CPVL: variants seen among roughly 807,000 people sequenced by gnomAD.
CPVL encodes the protein probable serine carboxypeptidase CPVL.
A neutral mutation model predicts 63.7 loss-of-function variants in CPVL; 51 were observed. The observed-to-expected ratio is 0.80, with a 90% CI of 0.64 to 1.01. The LOEUF (loss-of-function observed/expected upper bound fraction) is 1.01, where lower values mean the gene tolerates loss of function less well. CPVL is among the 50% of genes least tolerant of loss of function. The pLI, the probability that CPVL is intolerant of heterozygous loss-of-function variation, is 0.00. For synonymous variants in CPVL, 195 were observed against 206.0 expected (o/e 0.95, Z 0.46); for missense variants, 530 against 573.1 (o/e 0.92, Z 0.77).
intron 1 of CPVL, among the ~76,000 whole-genome samples, chr7:29,123,150 C>G (rs985536848): frequency 1.1e-4 from 16 of 152,104 alleles, no homozygotes; most frequent in African/African-American, 3.6e-4. Context: ...CTTAAAAATA[C>G]AAAACGTGTA....
intron 6 of CPVL, among the ~76,000 whole-genome samples, chr7:29,090,183 G>A (rs1785625182): frequency 6.6e-6 from 1 of 152,126 alleles, no homozygotes; most frequent in South Asian, 2.1e-4. Context: ...TCTTTCCTGG[G>A]CAAATCCAAA....
chr7:29,048,550 C>A (rs1789842493), intron 11 of CPVL, among the ~76,000 whole-genome samples: 1 of 152,002 alleles, frequency 6.6e-6, no homozygotes, highest in South Asian at 2.1e-4. Flanking sequence ...ACTAATAGAC[C>A]TAAGAAATGA....
At chr7:28,996,154 T>C (rs1375521892) in intron 12 of CPVL, 2 of 318,928 alleles carry the variant, frequency 6.3e-6, no homozygotes, top group East Asian at 1.6e-4. Flanking sequence ...TTCCTTGTCT[T>C]TTTCCTCTAG....
intron 5 of CPVL, among the ~76,000 whole-genome samples, chr7:29,152,455 A>G (rs945571937): frequency 2.0e-5 from 3 of 152,128 alleles, no homozygotes; most frequent in African/African-American, 7.2e-5. Context: ...TCCTCATTTG[A>G]AAATGGAAGT....
At chr7:29,127,819 A>T (rs1790193446) in intron 1 of CPVL, among the ~76,000 whole-genome samples, 1 of 152,054 alleles carries the variant, frequency 6.6e-6, no homozygotes, top group Admixed American at 6.5e-5. Flanking sequence ...AGTTCCCCAG[A>T]TTATTACTAT....
chr7:29,190,365 T>G (rs138587395), intron 1 of CPVL, among the ~76,000 whole-genome samples: 2 of 152,292 alleles, frequency 1.3e-5, no homozygotes, highest in East Asian at 3.9e-4. Flanking sequence ...AATACAGTAT[T>G]TCATTCTGTG....
intron 4 of CPVL, among the ~76,000 whole-genome samples, chr7:29,182,470 G>C (rs1266572656): frequency 6.6e-6 from 1 of 152,204 alleles, no homozygotes; most frequent in Non-Finnish European, 1.5e-5. Context: ...ATATTCTTCA[G>C]ACATTTTCAT....
intron 11 of CPVL, among the ~76,000 whole-genome samples, chr7:29,062,018 T>C (rs931140573): frequency 3.3e-5 from 5 of 151,780 alleles, no homozygotes; most frequent in Admixed American, 1.3e-4. Flanking sequence ...ATCAAACTTA[T>C]CTGCTCTCCT....
chr7:29,072,524 A>G lies in CPVL; in HGVS notation c.610-101T>C, dbSNP rs1261367222. On this transcript the variant is annotated intron_variant, in intron 7 of 12. Coordinates refer to ENST00000265394, the MANE Select transcript of CPVL (RefSeq NM_031311.5). ...ATAACAATGAAGGAGCAATCTTTCC[A>G]CATGAGGTATACCATCTGTTTCTTA... is the stretch of plus-strand genomic sequence containing the variant. 51 of 1,325,654 alleles carry G rather than the reference A, an allele frequency of 3.8e-5. No homozygotes were observed. The Admixed American group carries it at 9.1e-4, about 24-fold the overall frequency. 82.1% of individuals were successfully genotyped at this position (1,325,654 alleles called of 1,614,324 possible).
In CPVL at chr7:29,084,736, A is replaced by T. The variant is rs367842650; in HGVS notation, c.609+1748T>A. On this transcript the variant is annotated intron_variant, in intron 7 of 12. Coordinates refer to ENST00000265394, the MANE Select transcript of CPVL (RefSeq NM_031311.5). ...TAACTGTGTATTAAATTTTAACATA[A>T]TCTCCCTTAAAAAATAGAATTCTTT... Among the ~76,000 whole-genome samples, 18 of 152,334 alleles carry T rather than the reference A, an allele frequency of 1.2e-4. No homozygotes were observed. The East Asian group carries it at 2.9e-3, about 24-fold the overall frequency.
At chr7:29,050,741 A>G (rs1053187605) in intron 11 of CPVL, among the ~76,000 whole-genome samples, 1 of 152,052 alleles carries the variant, frequency 6.6e-6, no homozygotes, top group Admixed American at 6.6e-5. Flanking sequence ...TCGAAAAGCC[A>G]ATTCTAAAAT....
chr7:29,028,895 G>A (rs1382272917), intron 12 of CPVL, among the ~76,000 whole-genome samples: 2 of 151,062 alleles, frequency 1.3e-5, no homozygotes, highest in Non-Finnish European at 2.9e-5. Flanking sequence ...AACCGGTGTG[G>A]TGGAGCTTGC....
At chr7:29,001,077 G>C (rs549686636) in intron 12 of CPVL, 1 of 152,348 alleles carries the variant, frequency 6.6e-6, no homozygotes, top group South Asian at 2.1e-4. Flanking sequence ...TGGGCTCATG[G>C]GAGGGATGGG....
Position 29,112,811 on chromosome 7 carries a change from T to C in CPVL, c.181A>G (p.Ser61Gly). 6.2e-7 allele frequency: 1 copy of C among 1,611,352 alleles called. No homozygotes were observed. The highest frequency in any genetic ancestry group is 8.5e-7 in the Non-Finnish European group (1 of 1,178,260). The change falls in exon 3 of 13, where the codon AGT becomes GGT. Residue 61 changes from serine to glycine, a missense_variant. Ser to Gly is a moderately conservative substitution (Grantham distance 56). Transcript: ENST00000265394. ...AGTCCTGGGAAAGGGCCGACCAAACTCAATTCTCTTCCTAGTGGGGGAAAA... is the reference window on the plus strand; with the variant it reads ...AGTCCTGGGAAAGGGCCGACCAAACCCAATTCTCTTCCTAGTGGGGGAAAA... Reference protein sequence around the residue: ...AGKIQKGRELSLVGPFPGLNM... With the variant: ...AGKIQKGRELGLVGPFPGLNM...
rs1783785191 is a variant in CPVL at position 29,071,918 on chromosome 7, A to G, written c.733-14T>C. The G allele has an allele frequency of 6.2e-7, 1 of 1,613,820 alleles. No homozygotes were observed. Among genetic ancestry groups the G allele is most frequent in the Non-Finnish European group, 8.5e-7 (1 of 1,179,884 alleles). On this transcript the variant is annotated splice_polypyrimidine_tract_variant and intron_variant, in intron 8 of 12. Transcript: ENST00000265394. ...GCCCCCTATAATCTGAGGACAAAAAAGACACACATCAATGTGACAAAGGGA... is the reference window on the plus strand; with the variant it reads ...GCCCCCTATAATCTGAGGACAAAAAGGACACACATCAATGTGACAAAGGGA...
At chr7:29,122,312 G>GT (rs1789466907) in intron 1 of CPVL, 1 of 152,246 alleles carries the variant, frequency 6.6e-6, no homozygotes, top group African/African-American at 2.4e-5. Flanking sequence ...CAGTGTGGGG[G>GT]TCAGTGGATG....
chr7:29,154,638 A>C (rs988271116), intron 5 of CPVL, among the ~76,000 whole-genome samples: 13 of 152,152 alleles, frequency 8.5e-5, no homozygotes, highest in Non-Finnish European at 1.8e-4. Flanking sequence ...GTTTGAGACC[A>C]GCCTGGCCAA....
At chr7:29,116,555 T>C (rs996837632) in intron 2 of CPVL, among the ~76,000 whole-genome samples, 3 of 152,214 alleles carry the variant, frequency 2.0e-5, no homozygotes, top group Non-Finnish European at 4.4e-5. Context: ...ATTAACACTT[T>C]CAAAAACATT....
intron 3 of CPVL, among the ~76,000 whole-genome samples, chr7:29,103,621 G>A (rs964859180): frequency 3.3e-5 from 5 of 152,030 alleles, no homozygotes; most frequent in African/African-American, 1.2e-4. Context: ...CTCAACAAGT[G>A]TTAGGGCAAC....
Sources: allele counts gnomAD v4.1 joint callset (sites outside exome capture counted in the v4.1 genomes callset), GRCh38; gene constraint gnomAD v4.1.1; transcripts MANE v1.5; gene names NCBI Gene and HGNC (gene_info 2026-07-23, HGNC 2026-07-21).